Variants in POU2AF2 observed in about 807,000 individuals in gnomAD.
POU2AF2 encodes the protein POU domain class 2-associating factor 2.
chr11:111,265,741 G>A, the POU2AF2 span, among the ~76,000 whole-genome samples: 934 of 152,128 alleles, frequency 6.1e-3, 8 homozygotes, highest in Non-Finnish European at 9.6e-3. Context: ...AGGGAGCTCT[G>A]GATAGCAGCC....
At chr11:111,270,150 G>A in the POU2AF2 span, among the ~76,000 whole-genome samples, 151 of 152,286 alleles carry the variant, frequency 9.9e-4, no homozygotes, top group African/African-American at 3.5e-3. Context: ...GGCCACCCCA[G>A]TGAGTTTCAT....
the POU2AF2 span, among the ~76,000 whole-genome samples, chr11:111,254,784 T>C: frequency 6.6e-6 from 1 of 152,226 alleles, no homozygotes; most frequent in East Asian, 1.9e-4. Context: ...ATGTGCCTCA[T>C]ACGTACATTT....
At chr11:111,259,759 A>G in the POU2AF2 span, among the ~76,000 whole-genome samples, 14 of 152,360 alleles carry the variant, frequency 9.2e-5, no homozygotes, top group African/African-American at 2.9e-4. Context: ...GGTTCTAACC[A>G]TGGTAGCTAT....
At chr11:111,265,318 T>C in the POU2AF2 span, among the ~76,000 whole-genome samples, 1 of 152,226 alleles carries the variant, frequency 6.6e-6, no homozygotes, top group Admixed American at 6.5e-5. Flanking sequence ...TACATTGCAC[T>C]GTCACTTCTT....
At chr11:111,280,057 A>AAATATATATATATATAT in the POU2AF2 span, among the ~76,000 whole-genome samples, 249 of 76,424 alleles carry the variant, frequency 3.3e-3, no homozygotes, top group Non-Finnish European at 4.2e-3. Context: ...AAAAAAAAAA[A>AAATATATATATATATAT]ATATATATAT....
chr11:111,282,947 G>A, the POU2AF2 span, among the ~76,000 whole-genome samples: 2 of 151,934 alleles, frequency 1.3e-5, no homozygotes, highest in African/African-American at 4.8e-5. Flanking sequence ...GTCAGAAAGT[G>A]TTGAGCAAAC....
At chr11:111,276,324 G>T in the POU2AF2 span, among the ~76,000 whole-genome samples, 2 of 151,002 alleles carry the variant, frequency 1.3e-5, no homozygotes, top group Admixed American at 1.3e-4. Flanking sequence ...CTGGCCGGGC[G>T]CGGTGGCTCC....
At chr11:111,257,695 C>G in the POU2AF2 span, among the ~76,000 whole-genome samples, 13 of 152,146 alleles carry the variant, frequency 8.5e-5, no homozygotes, top group Non-Finnish European at 1.6e-4. Flanking sequence ...TTTTAAACCA[C>G]CACCTCTCTT....
the POU2AF2 span, among the ~76,000 whole-genome samples, chr11:111,268,474 CT>C: frequency 1.1e-4 from 8 of 70,794 alleles, no homozygotes; most frequent in South Asian, 8.4e-4. Flanking sequence ...CTACATTTTT[CT>C]TTTTTTATTT....
the POU2AF2 span, among the ~76,000 whole-genome samples, chr11:111,280,921 T>C: frequency 2.0e-5 from 3 of 152,164 alleles, no homozygotes. Context: ...GTGGCCACAA[T>C]GCATGATAAA....
At chr11:111,267,530 T>G in the POU2AF2 span, among the ~76,000 whole-genome samples, 26 of 152,362 alleles carry the variant, frequency 1.7e-4, 1 homozygote, top group East Asian at 2.1e-3. Flanking sequence ...CTTTTCTGAA[T>G]ATCGGCAAGT....
At chr11:111,262,208 C>T in the POU2AF2 span, among the ~76,000 whole-genome samples, 24 of 152,064 alleles carry the variant, frequency 1.6e-4, no homozygotes, top group Non-Finnish European at 2.5e-4. Flanking sequence ...TTACAAGCAA[C>T]GGATAGAAGT....
At chr11:111,247,918 G>A in the POU2AF2 span, among the ~76,000 whole-genome samples, 1 of 122,612 alleles carries the variant, frequency 8.2e-6, no homozygotes, top group Non-Finnish European at 1.6e-5. Flanking sequence ...TCGCTTTGTC[G>A]CTCAGGCTGG....
chr11:111,252,795 C>A, the POU2AF2 span, among the ~76,000 whole-genome samples: 1 of 152,006 alleles, frequency 6.6e-6, no homozygotes, highest in African/African-American at 2.4e-5. Context: ...ATAAGCAAAC[C>A]TCTCCTTGAC....
At chr11:111,280,195 A>G in the POU2AF2 span, among the ~76,000 whole-genome samples, 2 of 151,390 alleles carry the variant, frequency 1.3e-5, no homozygotes, top group African/African-American at 4.9e-5. Flanking sequence ...TCTTACGTCT[A>G]TTATGAACTA....
chr11:111,284,042 A>G, the POU2AF2 span: 19 of 1,596,508 alleles, frequency 1.2e-5, 1 homozygote, highest in Admixed American at 3.2e-4. Context: ...CCTGGGAGGA[A>G]TTTTCTGCCC....
chr11:111,258,349 G>A, the POU2AF2 span, among the ~76,000 whole-genome samples: 1 of 152,100 alleles, frequency 6.6e-6, no homozygotes, highest in Admixed American at 6.5e-5. Context: ...TGCACATATG[G>A]GTAATATCCA....
chr11:111,252,032 T>C, the POU2AF2 span, among the ~76,000 whole-genome samples: 4 of 152,236 alleles, frequency 2.6e-5, no homozygotes, highest in Admixed American at 2.6e-4. Flanking sequence ...ACATAAAGTA[T>C]AGATTGCTAA....
At chr11:111,258,763 A>AT in the POU2AF2 span, among the ~76,000 whole-genome samples, 671 of 152,142 alleles carry the variant, frequency 4.4e-3, 6 homozygotes, top group African/African-American at 0.015. Context: ...TCATTGTGTC[A>AT]TTTTTTTTAC....
Sources: gnomAD v4.1 joint callset for allele counts (sites outside exome capture counted in the v4.1 genomes callset) on GRCh38, gnomAD v4.1.1 for gene constraint, MANE v1.5 for transcripts, NCBI Gene and HGNC (gene_info 2026-07-23, HGNC 2026-07-21) for gene names.